Variants in TRIM24 observed in about 807,000 individuals in gnomAD.
The protein encoded by TRIM24 is tripartite motif containing 24, also known as transcription intermediary factor 1-alpha.
A neutral mutation model predicts 123.9 loss-of-function variants in TRIM24; 29 were observed. The observed-to-expected ratio is 0.23, with a 90% confidence interval of 0.17 to 0.32. The LOEUF (loss-of-function observed/expected upper bound fraction) is 0.32. Among genes scored for constraint, TRIM24 ranks in the 10% least tolerant of loss-of-function variants. The probability of loss-of-function intolerance (pLI) is 1.00; values close to 1 mark genes in which losing one functional copy is unlikely to be tolerated. For missense variants in TRIM24, 932 were observed against 1,295.3 expected, an observed-to-expected ratio of 0.72 and a Z score of 4.31; for synonymous variants, 456 against 461.1, an observed-to-expected ratio of 0.99 and a Z score of 0.14.
intron 10 of TRIM24, among the ~76,000 whole-genome samples, chr7:138,570,360 G>C (rs550052253): frequency 6.6e-6 from 1 of 152,142 alleles, no homozygotes; most frequent in Non-Finnish European, 1.5e-5. Context: ...AGGAATGATA[G>C]TACTTTCCTC....
intron 4 of TRIM24, among the ~76,000 whole-genome samples, chr7:138,520,631 A>G (rs1185813601): frequency 1.3e-5 from 2 of 152,114 alleles, no homozygotes; most frequent in African/African-American, 4.8e-5. Context: ...TCAAGGGTGC[A>G]GTGATAGTGC....
At chr7:138,551,826 A>C (rs957294766) in intron 8 of TRIM24, among the ~76,000 whole-genome samples, 2 of 152,180 alleles carry the variant, frequency 1.3e-5, no homozygotes, top group Admixed American at 1.3e-4. Context: ...ACAACTATTC[A>C]ATAGGAACTT....
At chr7:138,488,542 G>A (rs188493085) in intron 1 of TRIM24, among the ~76,000 whole-genome samples, 79 of 152,264 alleles carry the variant, frequency 5.2e-4, no homozygotes, top group East Asian at 7.7e-4. Context: ...ATTCTGGTAC[G>A]TTGTGTCTTT....
intron 7 of TRIM24, among the ~76,000 whole-genome samples, chr7:138,547,534 AAAAT>A (rs1178415243): frequency 5.9e-5 from 9 of 152,342 alleles, no homozygotes; most frequent in Admixed American, 1.3e-4. Context: ...ATGCTTTTTA[AAAAT>A]AAATTATTAA....
chr7:138,480,937 A>G (rs1352314880), intron 1 of TRIM24, among the ~76,000 whole-genome samples: 1 of 150,310 alleles, frequency 6.7e-6, no homozygotes, highest in Non-Finnish European at 1.5e-5. Context: ...AGTCTCTCCT[A>G]TTTTTTCTTT....
rs1055665032 is a variant in TRIM24 at position 138,586,367 on chromosome 7, C to T, written c.*1416C>T. On this transcript the variant is annotated 3_prime_UTR_variant, in exon 19 of 19. Coordinates refer to ENST00000343526, the MANE Select transcript of TRIM24 (RefSeq NM_015905.3). The stretch of plus-strand genomic sequence containing the variant: ...AAGGCTATTATTTGCATTATATCAC[C>T]TGCCATAAATTTAACATAGAAGACT... 19 of 153,494 alleles carry T rather than the reference C, an allele frequency of 1.2e-4. No homozygotes were observed. Among genetic ancestry groups the T allele is most frequent in the African/African-American group, 4.1e-4 (17 of 41,418 alleles). 9.5% of individuals were successfully genotyped at this position (153,494 alleles called of 1,614,324 possible).
chr7:138,501,582 T>C (rs1796040817), intron 1 of TRIM24, among the ~76,000 whole-genome samples: 1 of 152,062 alleles, frequency 6.6e-6, no homozygotes, highest in African/African-American at 2.4e-5. Context: ...CGATCCATTG[T>C]TGGCTAAAAA....
rs1554445378 is a variant in TRIM24 at position 138,578,563 on chromosome 7, T to TGC, written c.2257-636_2257-635dup. On this transcript the variant is annotated intron_variant, in intron 14 of 18. Transcript: ENST00000343526. The stretch of plus-strand genomic sequence containing the variant: ...GTGTGTGTGTGTGTGTGTGTGTGTG[T>TGC]GCGCGCACGCACGAATGGAAGCAGG... 9.4e-3 allele frequency among the ~76,000 whole-genome samples: 1,367 copies of TGC among 145,054 alleles called. 21 individuals are homozygous for TGC. Among genetic ancestry groups the TGC allele is most frequent in the South Asian group, 0.038 (170 of 4,440 alleles).
Position 138,494,600 on chromosome 7 carries a change from A to G in TRIM24, c.365-9690A>G, listed in dbSNP as rs553458329. Among the ~76,000 whole-genome samples the G allele has an allele frequency of 3.9e-5, 6 of 152,262 alleles. No homozygotes were observed. The South Asian group carries it at 1.2e-3, about 32-fold the overall frequency. ...AAAAAGAAAAAAAGATGGAACAACA[A>G]CAAAAAGAAAGATGTTAAACCTTAC... On this transcript the variant is annotated intron_variant, in intron 1 of 18. Transcript: ENST00000343526.
chr7:138,587,593 G>A lies in TRIM24; in HGVS notation c.*2642G>A, dbSNP rs1311729108. 6 of 152,154 alleles carry A rather than the reference G, an allele frequency of 3.9e-5. No homozygotes were observed. Among genetic ancestry groups the A allele is most frequent in the Non-Finnish European group, 7.3e-5 (5 of 68,044 alleles). The allele number at this position is 152,154 out of a possible 1,614,324, so 9.4% of individuals were successfully genotyped here. On this transcript the variant is annotated 3_prime_UTR_variant, in exon 19 of 19. Coordinates refer to ENST00000343526, the MANE Select transcript of TRIM24 (RefSeq NM_015905.3). ...ATTCAGGTAACCTTGACCTAAACTTGTACACTCCGGTGTACATCTTTGACC... is the reference window on the plus strand; with the variant it reads ...ATTCAGGTAACCTTGACCTAAACTTATACACTCCGGTGTACATCTTTGACC...
rs10156203 is a variant in TRIM24 at position 138,585,638 on chromosome 7, A to G, written c.*687A>G. On this transcript the variant is annotated 3_prime_UTR_variant, in exon 19 of 19. Coordinates refer to ENST00000343526, the MANE Select transcript of TRIM24 (RefSeq NM_015905.3). ...ATCTTGTCTGTAGAGGTATTTTGGT[A>G]TAGCAGGTTTTCAAGGCCATTTTTT... 9.7e-3 allele frequency: 3,579 copies of G among 369,038 alleles called. 110 individuals are homozygous for G. The highest frequency in any genetic ancestry group is 0.072 in the African/African-American group (3,322 of 46,072). 22.9% of individuals were successfully genotyped at this position (369,038 alleles called of 1,614,324 possible).
At chr7:138,528,256 G>GA (rs1250221867) in intron 5 of TRIM24, among the ~76,000 whole-genome samples, 2 of 152,106 alleles carry the variant, frequency 1.3e-5, no homozygotes, top group Non-Finnish European at 2.9e-5. Context: ...ACTAGTTATA[G>GA]AAAACAAGAA....
At position 138,588,084 on chromosome 7, in the gene TRIM24, T is replaced by C. The variant is rs1350090596; in HGVS notation, c.*3133T>C. On this transcript the variant is annotated 3_prime_UTR_variant, in exon 19 of 19. Transcript: ENST00000343526. ...ACCACATAGTAGTGTAGATGTAGTA[T>C]AACTTGCTTAGGAATGCTTTCAAAA... 6.6e-6 allele frequency: 1 copy of C among 151,900 alleles called. No homozygotes were observed. Among genetic ancestry groups the C allele is most frequent in the Non-Finnish European group, 1.5e-5 (1 of 67,966 alleles). The allele number at this position is 151,900 out of a possible 1,614,324, so 9.4% of individuals were successfully genotyped here.
chr7:138,553,737 A>G (rs572915095), intron 8 of TRIM24, among the ~76,000 whole-genome samples: 23 of 152,294 alleles, frequency 1.5e-4, no homozygotes, highest in Middle Eastern at 3.4e-3. Context: ...GTTTTGATAT[A>G]TGACAGCAGT....
At chr7:138,536,899 C>G (rs913096188) in intron 6 of TRIM24, among the ~76,000 whole-genome samples, 10 of 152,214 alleles carry the variant, frequency 6.6e-5, no homozygotes, top group Admixed American at 1.3e-4. Context: ...TTTACCTACT[C>G]AAGCCTCAGC....
chr7:138,460,989 C>A, intron 1 of TRIM24, 77 bp downstream of exon 1: 1 of 1,294,148 alleles, frequency 7.7e-7, no homozygotes, highest in Non-Finnish European at 9.9e-7. Context: ...CGGCGCGACC[C>A]GCTGTCATGT....
At chr7:138,502,382 G>C (rs562379752) in intron 1 of TRIM24, among the ~76,000 whole-genome samples, 1 of 152,330 alleles carries the variant, frequency 6.6e-6, no homozygotes, top group East Asian at 1.9e-4. Context: ...TTCTCAATAG[G>C]TTAAGTATCA....
intron 1 of TRIM24, among the ~76,000 whole-genome samples, chr7:138,486,130 A>G (rs1006516527): frequency 4.6e-5 from 7 of 152,214 alleles, no homozygotes; most frequent in East Asian, 1.9e-4. Flanking sequence ...GGCTGCATAC[A>G]TGTTTTCTTT....
intron 12 of TRIM24, among the ~76,000 whole-genome samples, chr7:138,576,156 G>A (rs991529054): frequency 6.6e-6 from 1 of 152,162 alleles, no homozygotes; most frequent in African/African-American, 2.4e-5. Context: ...CCACAACAAG[G>A]AATTATCTGG....
Sources: gnomAD v4.1 joint callset for allele counts (sites outside exome capture counted in the v4.1 genomes callset) on GRCh38, gnomAD v4.1.1 for gene constraint, MANE v1.5 for transcripts, NCBI Gene and HGNC (gene_info 2026-07-23, HGNC 2026-07-21) for gene names.